The following MGAM variants were observed in gnomAD, a reference collection of about 807,000 sequenced individuals.
The protein encoded by MGAM is alpha-1,4-glucosidase.
A neutral mutation model predicts 358.8 loss-of-function variants in MGAM; 253 were observed. The ratio of observed to expected loss-of-function variants is 0.71; its 90% CI spans 0.64 to 0.78. The LOEUF is 0.78. MGAM is among the 30% of genes least tolerant of loss of function. The pLI is 0.00. For synonymous variants in MGAM, 1,105 were observed against 1,227.1 expected (o/e 0.90, Z 2.08); for missense variants, 3,080 against 3,432.6 (o/e 0.90, Z 2.57).
At chr7:142,034,467 C>A in intron 15 of MGAM, 88 bp downstream of exon 15, 1 of 1,075,576 alleles carries the variant, frequency 9.3e-7, no homozygotes, top group Non-Finnish European at 1.3e-6. Flanking sequence ...GGGGCTAATG[C>A]ATAAAATTTC....
At chr7:142,020,527 G>C (rs1806343869) in intron 4 of MGAM, among the ~76,000 whole-genome samples, 1 of 150,638 alleles carries the variant, frequency 6.6e-6, no homozygotes. Flanking sequence ...GTATATATCT[G>C]TCTTTTCCCT....
Position 142,069,071 on chromosome 7 carries a change from A to G in MGAM, c.5061+368A>G, listed in dbSNP as rs917097697. Reference sequence around the variant, plus strand: ...ACTATAGTTTTTGTTTTTATTGTTGATATCTTTGCCTGCTGTAAGTTTGTA... The same window carrying G: ...ACTATAGTTTTTGTTTTTATTGTTGGTATCTTTGCCTGCTGTAAGTTTGTA... On this transcript the variant is annotated intron_variant, in intron 43 of 70. Coordinates refer to ENST00000475668, the MANE Select transcript of MGAM (RefSeq NM_001365693.1). 2.7e-5 allele frequency among the ~76,000 whole-genome samples: 4 copies of G among 146,256 alleles called. 1 individual carries two copies. The highest frequency in any genetic ancestry group is 2.4e-5 in the African/African-American group (1 of 41,068).
chr7:142,011,409 A>G (rs375608620), intron 3 of MGAM, among the ~76,000 whole-genome samples: 34 of 151,956 alleles, frequency 2.2e-4, no homozygotes, highest in African/African-American at 7.9e-4. Flanking sequence ...TTTACACAAC[A>G]TCAGTTAATA....
chr7:142,051,871 G>A (rs1811005209), intron 24 of MGAM, among the ~76,000 whole-genome samples: 1 of 152,082 alleles, frequency 6.6e-6, no homozygotes, highest in South Asian at 2.1e-4. Flanking sequence ...ATGATAACCA[G>A]GTCATATGAT....
In MGAM at chr7:142,083,427, C is replaced by T; in HGVS notation, c.6381+14C>T. ...CAGTACACTGAGGTAGGGAGAAATC[C>T]AATTGTTTATCAAGTACTTATATAG... On this transcript the variant is annotated intron_variant, in intron 53 of 70. Transcript: ENST00000475668. The T allele has an allele frequency of 6.6e-7, 1 of 1,509,784 alleles. No homozygotes were observed. The highest frequency in any genetic ancestry group is 1.2e-5 in the South Asian group (1 of 85,622). 93.5% of individuals were successfully genotyped at this position (1,509,784 alleles called of 1,614,324 possible). A position where few individuals can be genotyped will look rare whatever the true frequency, so the allele number is the denominator to read the frequency against.
chr7:142,030,415 T>C lies in MGAM; in HGVS notation c.1275T>C (p.Tyr425=), dbSNP rs1554462884. ...TGGATGAGAGAAGGGACTTCACTTA[T>C]GATTCAGTGGATTTTAAAGGCTTCC... ...DYMDERRDFT[Y]DSVDFKGFPE... is the part of the protein sequence containing the mutation. The change falls in exon 11 of 71, where the codon TAT becomes TAC. Residue 425 remains tyrosine, a synonymous_variant. Coordinates refer to ENST00000475668, the MANE Select transcript of MGAM (RefSeq NM_001365693.1). The C allele has an allele frequency of 9.3e-6, 15 of 1,613,526 alleles. No homozygotes were observed. Among genetic ancestry groups the C allele is most frequent in the Non-Finnish European group, 1.3e-5 (15 of 1,179,632 alleles).
rs760681142 is a variant in MGAM, at chr7:142,081,471, G to A, written c.6002+526G>A. 2.8e-5 allele frequency among the ~76,000 whole-genome samples: 4 copies of A among 145,032 alleles called. 1 individual carries two copies. The highest frequency in any genetic ancestry group is 7.0e-5 in the Admixed American group (1 of 14,382). ...AAGGGAAAGAGCATTTCAGACAGAGGGAATAGGAAGTGGGTAGGCCAGGAG... is the reference window on the plus strand; with the variant it reads ...AAGGGAAAGAGCATTTCAGACAGAGAGAATAGGAAGTGGGTAGGCCAGGAG... On this transcript the variant is annotated intron_variant, in intron 50 of 70. Coordinates refer to ENST00000475668, the MANE Select transcript of MGAM (RefSeq NM_001365693.1).
At position 141,990,074 on chromosome 7, in the gene MGAM, G is replaced by A. The variant is rs116788152; in HGVS notation, c.-2-15455G>A. ...GGTCTGGCTTTGACAGAGAGTTTGA[G>A]GAGGCTCTGTGGGCAGCATCTTAAG... On this transcript the variant is annotated intron_variant, in intron 2 of 5. Transcript: ENST00000465654. Among the ~76,000 whole-genome samples, 624 of 152,254 alleles carry A rather than the reference G, an allele frequency of 4.1e-3. 5 individuals carry two copies. Among genetic ancestry groups the A allele is most frequent in the African/African-American group, 0.014 (600 of 41,552 alleles).
At chr7:142,005,999 T>C (rs2128982978) in intron 2 of MGAM, among the ~76,000 whole-genome samples, 1 of 152,110 alleles carries the variant, frequency 6.6e-6, no homozygotes, top group African/African-American at 2.4e-5. Flanking sequence ...TCAAGCAGTT[T>C]GTGGAAAAAT....
intron 3 of MGAM, among the ~76,000 whole-genome samples, chr7:142,009,364 A>G (rs1445867634): frequency 6.6e-6 from 1 of 152,118 alleles, no homozygotes; most frequent in Non-Finnish European, 1.5e-5. Context: ...AATTTACAGA[A>G]AGTTGATGCA....
At chr7:142,086,510 C>A in intron 56 of MGAM, 145 bp from the exon 57 acceptor site, 1 of 574,648 alleles carries the variant, frequency 1.7e-6, no homozygotes, top group Non-Finnish European at 2.8e-6. Context: ...TAATGTGTTA[C>A]GGAATTCACT....
Position 142,098,082 on chromosome 7 carries a change from A to G in MGAM, c.7749+433A>G, listed in dbSNP as rs142288337. ...TTTATTAAATATCTCCTTCCATAGC[A>G]TAGATGCTCAAAGAAGGGCACTGCA... On this transcript the variant is annotated intron_variant, in intron 66 of 70. Coordinates refer to ENST00000475668, the MANE Select transcript of MGAM (RefSeq NM_001365693.1). Among the ~76,000 whole-genome samples, 126 of 152,296 alleles carry G rather than the reference A, an allele frequency of 8.3e-4. 1 individual carries two copies. The highest frequency in any genetic ancestry group is 2.9e-3 in the African/African-American group (121 of 41,568).
At chr7:142,090,687 A>C (rs73524552) in intron 57 of MGAM, among the ~76,000 whole-genome samples, 3,595 of 145,390 alleles carry the variant, frequency 0.025, 435 homozygotes, top group South Asian at 0.13. Flanking sequence ...GCCTCCCCGA[A>C]CCTCCTCACC....
Position 142,106,040 on chromosome 7 carries a change from A to C in MGAM, c.*149A>C. On this transcript the variant is annotated 3_prime_UTR_variant, in exon 71 of 71. Transcript: ENST00000475668. Reference sequence around the variant, plus strand: ...ATTTTGTTATATGTTTTTTGTGTGAACCCTAAAGGTTAAACCTTAGCCCTG... The same window carrying C: ...ATTTTGTTATATGTTTTTTGTGTGACCCCTAAAGGTTAAACCTTAGCCCTG... The C allele has an allele frequency of 4.6e-6, 3 of 648,966 alleles. No homozygotes were observed. In the South Asian group the frequency reaches 5.5e-5, roughly 12 times the overall value. The allele number at this position is 648,966 out of a possible 1,614,324, so 40.2% of individuals were successfully genotyped here.
chr7:141,998,360 A>G (rs1554449491), intron 1 of MGAM, among the ~76,000 whole-genome samples: 1 of 152,068 alleles, frequency 6.6e-6, no homozygotes, highest in African/African-American at 2.4e-5. Flanking sequence ...TCTAGGTTTT[A>G]AGCCCCACAT....
At position 142,089,875 on chromosome 7, in the gene MGAM, A is replaced by G. The variant is rs1433871126; in HGVS notation, c.6811-2038A>G. On this transcript the variant is annotated intron_variant, in intron 57 of 70. Transcript: ENST00000475668. Reference sequence around the variant, plus strand: ...CCAACCTAATATTTATATTATTAATAAAGACCCACTCGATGAAGCTGGTGA... The same window carrying G: ...CCAACCTAATATTTATATTATTAATGAAGACCCACTCGATGAAGCTGGTGA... Among the ~76,000 whole-genome samples the G allele has an allele frequency of 1.4e-5, 2 of 146,364 alleles. 1 individual carries two copies. Among genetic ancestry groups the G allele is most frequent in the Non-Finnish European group, 3.1e-5 (2 of 64,684 alleles).
chr7:142,102,008 G>A (rs1028784263), intron 68 of MGAM, among the ~76,000 whole-genome samples: 1 of 152,010 alleles, frequency 6.6e-6, no homozygotes, highest in African/African-American at 2.4e-5. Flanking sequence ...CAGGGTGTAG[G>A]ATGGGAATAC....
chr7:142,036,918 CA>C lies in MGAM; in HGVS notation c.2173del (p.Thr725ProfsTer53). ...GCTATACTCTATTGCCCTACCTATA[CA>C]CCCTCTTCTTCCGTGCTCACAGCCG... is the stretch of plus-strand genomic sequence containing the variant. ...IRYTLLPYLYTLFFRAHSRGD... is the reference protein window; with the variant it reads ...IRYTLLPYLYXLFFRAHSRGD... On this transcript the variant is annotated frameshift_variant, in exon 18 of 71. Coordinates refer to ENST00000475668, the MANE Select transcript of MGAM (RefSeq NM_001365693.1). LOFTEE classifies it high-confidence loss of function. The C allele has an allele frequency of 6.2e-7, 1 of 1,613,808 alleles. No individual in the cohort carries two copies. Among genetic ancestry groups the C allele is most frequent in the Non-Finnish European group, 8.5e-7 (1 of 1,179,706 alleles).
At position 142,047,754 on chromosome 7, in the gene MGAM, G is replaced by A. The variant is rs761131480; in HGVS notation, c.2499-31G>A. 6.3e-6 allele frequency: 10 copies of A among 1,585,020 alleles called. No homozygotes were observed. The Admixed American group carries it at 1.5e-4, about 24-fold the overall frequency. ...CGGCTGGCAAAATTCTCTGACTCCT[G>A]TCTTTGTGTCTTGAATCTTGTTCCC... On this transcript the variant is annotated intron_variant, in intron 21 of 70. Transcript: ENST00000475668.
Sources: allele counts gnomAD v4.1 joint callset (sites outside exome capture counted in the v4.1 genomes callset), GRCh38; gene constraint gnomAD v4.1.1; transcripts MANE v1.5; gene names NCBI Gene and HGNC (gene_info 2026-07-23, HGNC 2026-07-21).